Variants in FAM228B observed in about 807,000 individuals in gnomAD.
The protein encoded by FAM228B is protein FAM228B.
FAM228B carries 38 observed loss-of-function variants against 42.6 expected under a neutral mutation model. That is an observed-to-expected ratio of 0.89 (90% confidence interval 0.69 to 1.17). The LOEUF is 1.17. FAM228B is among the 50% of genes most tolerant of loss of function. FAM228B has a pLI of 0.00. For synonymous variants in FAM228B, 109 were observed against 122.3 expected (o/e 0.89, Z 0.72); for missense variants, 344 against 367.3 (o/e 0.94, Z 0.52).
At chr2:24,168,599 A>G (rs1667485822) in intron 10 of FAM228B, among the ~76,000 whole-genome samples, 1 of 152,250 alleles carries the variant, frequency 6.6e-6, no homozygotes, top group African/African-American at 2.4e-5. Flanking sequence ...TGGAGACAGA[A>G]TAAGCAATGC....
intron 7 of FAM228B, 49 bp from the exon 8 acceptor site, chr2:24,161,457 C>T: frequency 8.8e-7 from 1 of 1,132,078 alleles, no homozygotes; most frequent in Non-Finnish European, 1.3e-6. Context: ...CAAAAAACAA[C>T]AATAAAAAAG....
intron 2 of FAM228B, chr2:24,082,942 G>C (rs377602873): frequency 1.2e-6 from 2 of 1,613,630 alleles, no homozygotes; most frequent in African/African-American, 2.7e-5. Flanking sequence ...GCTGCAGCCT[G>C]GGTCAGGGTC....
chr2:24,110,252 G>A (rs1404145268), intron 3 of FAM228B, among the ~76,000 whole-genome samples: 1 of 152,160 alleles, frequency 6.6e-6, no homozygotes, highest in Non-Finnish European at 1.5e-5. Flanking sequence ...GATACTAGGA[G>A]GGAAACAACA....
At chr2:24,145,722 T>C (rs1324278713) in intron 5 of FAM228B, among the ~76,000 whole-genome samples, 1 of 150,262 alleles carries the variant, frequency 6.7e-6, no homozygotes, top group East Asian at 1.9e-4. Context: ...TTTTTTTTTT[T>C]TGAGACGGAG....
At chr2:24,155,537 T>A (rs1292099835) in intron 7 of FAM228B, among the ~76,000 whole-genome samples, 14 of 30,286 alleles carry the variant, frequency 4.6e-4, no homozygotes, top group South Asian at 1.6e-3. Context: ...ATATATTTTT[T>A]TTTTTTTTTT....
intron 3 of FAM228B, chr2:24,115,282 T>G: frequency 3.2e-6 from 1 of 315,016 alleles, no homozygotes; most frequent in Non-Finnish European, 6.0e-6. Context: ...TTGGCATACT[T>G]AGCAAGGTGT....
chr2:24,156,887 T>G (rs1667162813), intron 7 of FAM228B, among the ~76,000 whole-genome samples: 1 of 151,804 alleles, frequency 6.6e-6, no homozygotes, highest in South Asian at 2.1e-4. Flanking sequence ...CTGCCGGGTT[T>G]GGGTTTGGAT....
At chr2:24,122,447 C>T, upstream of FAM228B, 1 of 1,613,900 alleles carries the variant, frequency 6.2e-7, no homozygotes, top group Non-Finnish European at 8.5e-7. Flanking sequence ...TACACACAAG[C>T]TCCGCTCCTG....
intron 7 of FAM228B, among the ~76,000 whole-genome samples, chr2:24,151,613 A>T (rs1472062154): frequency 1.2e-4 from 17 of 137,432 alleles, no homozygotes; most frequent in African/African-American, 1.1e-4. Context: ...TTTTTTGGTG[A>T]TTTTTTTTTT....
At chr2:24,081,140 C>T in intron 2 of FAM228B, 2 of 280,666 alleles carry the variant, frequency 7.1e-6, no homozygotes, top group Admixed American at 9.5e-5. Context: ...CCAAATCAAT[C>T]TTTTGCTTTT....
intron 5 of FAM228B, among the ~76,000 whole-genome samples, chr2:24,141,207 T>C (rs553235487): frequency 2.0e-3 from 302 of 152,004 alleles, no homozygotes; most frequent in African/African-American, 5.1e-3. Context: ...CCCGAGTAAC[T>C]GGGATTACAG....
rs1030528964 is a variant in FAM228B at position 24,115,215 on chromosome 2, G to C, written c.-120-19904G>C. ...ATCCCTTCATTTTTCAAGGTTGCTT[G>C]CTGCAACCTAACCCTGAGAAATGTC... On this transcript the variant is annotated intron_variant, in intron 3 of 10. Coordinates refer to the FAM228B transcript ENST00000613899. Among the ~76,000 whole-genome samples, 9 of 152,300 alleles carry C rather than the reference G, an allele frequency of 5.9e-5. No homozygotes were observed. In the East Asian group the frequency reaches 7.7e-4, roughly 13 times the overall value.
Position 24,146,762 on chromosome 2 carries a change from A to G in FAM228B, c.456A>G (p.Pro152=), listed in dbSNP as rs1326075404. The G allele has an allele frequency of 4.5e-5, 70 of 1,549,456 alleles. No homozygotes were observed. The highest frequency in any genetic ancestry group is 5.8e-5 in the Non-Finnish European group (67 of 1,145,714). ...DPNFLKVTIP[P]FHDPLKKAQY... is the part of the protein sequence containing the mutation. The stretch of plus-strand genomic sequence containing the variant: ...CTCTCTTGTAGGTTACCATCCCACC[A>G]TTTCATGACCCTTTGAAAAAAGCAC... The change falls in exon 6 of 11, where the codon CCA becomes CCG. Residue 152 remains proline (P), a synonymous_variant. Coordinates refer to ENST00000615575, the MANE Select transcript of FAM228B (RefSeq NM_001145710.2).
chr2:24,157,081 C>T (rs772914158), intron 7 of FAM228B, among the ~76,000 whole-genome samples: 2 of 152,178 alleles, frequency 1.3e-5, no homozygotes, highest in African/African-American at 4.8e-5. Context: ...TCATTGTTGA[C>T]CCAATGATTA....
At position 24,099,206 on chromosome 2, in the gene FAM228B, C is replaced by T. The variant is rs561948470; in HGVS notation, c.-121+3977C>T. Among the ~76,000 whole-genome samples the T allele has an allele frequency of 7.2e-5, 11 of 152,294 alleles. No individual in the cohort carries two copies. The South Asian group carries it at 2.3e-3, about 32-fold the overall frequency. On this transcript the variant is annotated intron_variant, in intron 3 of 10. Coordinates refer to the FAM228B transcript ENST00000613899. Reference sequence around the variant, plus strand: ...AATGGGGAAAAACTGGAAGCATTCCCTTTGAAAACTGGCATAAGACAAGGA... The same window carrying T: ...AATGGGGAAAAACTGGAAGCATTCCTTTTGAAAACTGGCATAAGACAAGGA...
At chr2:24,155,464 A>T (rs1011372469) in intron 7 of FAM228B, among the ~76,000 whole-genome samples, 3 of 145,878 alleles carry the variant, frequency 2.1e-5, no homozygotes, top group African/African-American at 7.6e-5. Context: ...TAGTCTTTAC[A>T]CACTAAGCAA....
At chr2:24,098,550 T>G (rs1188912333) in intron 3 of FAM228B, among the ~76,000 whole-genome samples, 1 of 152,194 alleles carries the variant, frequency 6.6e-6, no homozygotes, top group East Asian at 1.9e-4. Flanking sequence ...GATAAATTCC[T>G]GGAAACATAC....
At position 24,086,314 on chromosome 2, in the gene FAM228B, A is replaced by T. The variant is rs1279862464; in HGVS notation, c.-210+5359A>T. On this transcript the variant is annotated intron_variant, in intron 2 of 10. Coordinates refer to the FAM228B transcript ENST00000613899. ...GATTCAATAGTTAACCAAATAAAAG[A>T]ATACAGTTTTCCTAAATTCTACCAG... Among the ~76,000 whole-genome samples the T allele has an allele frequency of 2.0e-5, 3 of 152,160 alleles. No homozygotes were observed. In the East Asian group the frequency reaches 5.8e-4, roughly 29 times the overall value.
intron 2 of FAM228B, among the ~76,000 whole-genome samples, chr2:24,132,102 C>A (rs963826918): frequency 1.3e-5 from 2 of 152,066 alleles, no homozygotes; most frequent in African/African-American, 4.8e-5. Context: ...TGGTTTTTGT[C>A]ATTGATTCTG....
Sources: allele counts gnomAD v4.1 joint callset (sites outside exome capture counted in the v4.1 genomes callset), GRCh38; gene constraint gnomAD v4.1.1; transcripts MANE v1.5; gene names NCBI Gene and HGNC (gene_info 2026-07-23, HGNC 2026-07-21).